The following ARHGAP6 variants were observed in gnomAD, a reference collection of about 807,000 sequenced individuals.
The protein encoded by ARHGAP6 is Rho GTPase activating protein 6.
In ARHGAP6, 16 loss-of-function variants were observed where a neutral mutation model predicts 55.7. The ratio of observed to expected loss-of-function variants is 0.29; its 90% CI spans 0.19 to 0.44. The LOEUF is 0.44. ARHGAP6 is among the 20% of genes least tolerant of loss of function. The probability of loss-of-function intolerance (pLI) is 1.00; values close to 1 mark genes in which losing one functional copy is unlikely to be tolerated. For missense variants in ARHGAP6, 698 were observed against 808.9 expected, an observed-to-expected ratio of 0.86 and a Z score of 1.66; for synonymous variants, 382 against 360.9, an observed-to-expected ratio of 1.06 and a Z score of -0.66.
intron 2 of ARHGAP6, among the ~76,000 whole-genome samples, chrX:11,251,718 A>G (rs2047426586): frequency 8.9e-6 from 1 of 112,023 alleles, no homozygotes; most frequent in African/African-American, 3.2e-5. Context: ...AATTATTCAC[A>G]CAGTGAATCT....
chrX:11,599,754 G>C (rs1339167811), intron 1 of ARHGAP6, among the ~76,000 whole-genome samples: 1 of 111,552 alleles, frequency 9.0e-6, no homozygotes, highest in Non-Finnish European at 1.9e-5. Flanking sequence ...AATTTGCTAA[G>C]GGGATAGATC....
At chrX:11,300,696 C>T in intron 1 of ARHGAP6, 1 of 900,253 alleles carries the variant, frequency 1.1e-6, no homozygotes, top group Non-Finnish European at 1.6e-6. Flanking sequence ...CTTATAATCA[C>T]TTTACTTAGC....
rs1318146891 is a variant in ARHGAP6, at chrX:11,176,355, C to CCTAG, written c.1629+1741_1629+1744dup. ...TATATATATATATATATATATCTCC[C>CCTAG]CTAGCACAAAGCCAGCTCATGGAAG... is the stretch of plus-strand genomic sequence containing the variant. On this transcript the variant is annotated intron_variant, in intron 8 of 12. Coordinates refer to ENST00000337414, the MANE Select transcript of ARHGAP6 (RefSeq NM_013427.3). Among the ~76,000 whole-genome samples the CCTAG allele has an allele frequency of 4.5e-4, 22 of 48,773 alleles. No individual in the cohort carries two copies. In the East Asian group the frequency reaches 8.1e-3, roughly 18 times the overall value. 42.4% of individuals were successfully genotyped at this position (48,773 alleles called of 115,157 possible).
At chrX:11,444,743 A>ACTTTTG (rs200979100) in intron 1 of ARHGAP6, among the ~76,000 whole-genome samples, 12,740 of 111,681 alleles carry the variant, frequency 0.11, 655 homozygotes, top group Admixed American at 0.2. Flanking sequence ...AGGGCATATT[A>ACTTTTG]CTACCTGGAG....
chrX:11,340,502 G>C (rs1257587439), intron 1 of ARHGAP6, among the ~76,000 whole-genome samples: 1 of 111,508 alleles, frequency 9.0e-6, no homozygotes, highest in African/African-American at 3.3e-5. Context: ...GGCCGAGGCG[G>C]GTGGATCATG....
chrX:11,528,438 C>T (rs2051013475), intron 1 of ARHGAP6, among the ~76,000 whole-genome samples: 2 of 111,815 alleles, frequency 1.8e-5, no homozygotes, highest in South Asian at 7.4e-4. Context: ...TCTGATTTAG[C>T]CCAGATGCTG....
intron 1 of ARHGAP6, among the ~76,000 whole-genome samples, chrX:11,539,360 C>T (rs2051134606): frequency 8.9e-6 from 1 of 112,383 alleles, no homozygotes; most frequent in African/African-American, 3.2e-5. Flanking sequence ...TAATGCACCA[C>T]CCTTCAAATG....
intron 1 of ARHGAP6, among the ~76,000 whole-genome samples, chrX:11,592,505 T>C (rs2051847655): frequency 8.9e-6 from 1 of 111,825 alleles, no homozygotes; most frequent in African/African-American, 3.3e-5. Flanking sequence ...AGCATGTTTT[T>C]ATTATATAGG....
chrX:11,442,771 G>A (rs1422572753), intron 1 of ARHGAP6, among the ~76,000 whole-genome samples: 1 of 111,601 alleles, frequency 9.0e-6, no homozygotes, highest in Non-Finnish European at 1.9e-5. Context: ...GGTAGACGTA[G>A]TCAAATGCAA....
At chrX:11,539,612 C>T (rs1439456914) in intron 1 of ARHGAP6, among the ~76,000 whole-genome samples, 1 of 111,866 alleles carries the variant, frequency 8.9e-6, no homozygotes, top group Non-Finnish European at 1.9e-5. Context: ...AGATGTTTCA[C>T]AGAGACCCAG....
intron 2 of ARHGAP6, among the ~76,000 whole-genome samples, chrX:11,225,246 G>T (rs1441151983): frequency 9.0e-6 from 1 of 110,820 alleles, no homozygotes; most frequent in Non-Finnish European, 1.9e-5. Flanking sequence ...AGGTCAAGGT[G>T]CAGAAAGGCA....
intron 1 of ARHGAP6, among the ~76,000 whole-genome samples, chrX:11,500,690 A>G (rs7063123): frequency 0.011 from 1,247 of 108,473 alleles, 23 homozygotes; most frequent in African/African-American, 0.039. Flanking sequence ...AAAAAGAAGA[A>G]GCAAAGAGAA....
intron 1 of ARHGAP6, among the ~76,000 whole-genome samples, chrX:11,475,722 A>G (rs1327980276): frequency 9.2e-6 from 1 of 109,019 alleles, no homozygotes; most frequent in African/African-American, 3.3e-5. Context: ...AGAATATAAA[A>G]TTTGATACAC....
intron 1 of ARHGAP6, among the ~76,000 whole-genome samples, chrX:11,269,979 T>C (rs1298768770): frequency 2.7e-5 from 3 of 112,099 alleles, no homozygotes; most frequent in Non-Finnish European, 5.6e-5. Context: ...ACCATGAATC[T>C]GAAACAGTCA....
chrX:11,508,048 G>C (rs2050751379), intron 1 of ARHGAP6, among the ~76,000 whole-genome samples: 1 of 112,157 alleles, frequency 8.9e-6, no homozygotes, highest in Non-Finnish European at 1.9e-5. Flanking sequence ...ATAATGGAAA[G>C]GTACAAGGAA....
At chrX:11,624,591 C>T (rs1275586760) in intron 1 of ARHGAP6, among the ~76,000 whole-genome samples, 2 of 112,317 alleles carry the variant, frequency 1.8e-5, no homozygotes, top group African/African-American at 3.2e-5. Flanking sequence ...TTTTTTGAGA[C>T]GGAGTCTCGC....
At chrX:11,565,836 G>T (rs1053069761) in intron 1 of ARHGAP6, among the ~76,000 whole-genome samples, 2 of 111,822 alleles carry the variant, frequency 1.8e-5, no homozygotes, top group African/African-American at 6.5e-5. Context: ...GCCAAAGGGG[G>T]TTAACTGGCC....
chrX:11,517,095 T>C (rs965547328), intron 1 of ARHGAP6, among the ~76,000 whole-genome samples: 7 of 112,412 alleles, frequency 6.2e-5, no homozygotes, highest in African/African-American at 2.3e-4. Flanking sequence ...GGCATTGATG[T>C]AGCTCATGAG....
chrX:11,220,735 A>T (rs2046957732), intron 2 of ARHGAP6, among the ~76,000 whole-genome samples: 1 of 110,200 alleles, frequency 9.1e-6, no homozygotes, highest in South Asian at 4.1e-4. Context: ...TAACAAGCAA[A>T]ATAACCAGCT....
Sources: allele counts gnomAD v4.1 joint callset (sites outside exome capture counted in the v4.1 genomes callset), GRCh38; gene constraint gnomAD v4.1.1; transcripts MANE v1.5; gene names NCBI Gene and HGNC (gene_info 2026-07-23, HGNC 2026-07-21).